Variants in POU2F3 observed in about 807,000 individuals in gnomAD.
The protein encoded by POU2F3 is POU class 2 homeobox 3.
POU2F3 carries 23 observed loss-of-function variants against 59.2 expected under a neutral mutation model. The observed-to-expected ratio is 0.39, with a 90% CI of 0.28 to 0.55. The LOEUF (loss-of-function observed/expected upper bound fraction) is 0.55, where lower values mean the gene tolerates loss of function less well. Ranked by LOEUF, POU2F3 falls within the 20% of genes least tolerant of loss-of-function variation. POU2F3 has a pLI of 0.66. For synonymous variants in POU2F3, 190 were observed against 214.6 expected, an observed-to-expected ratio of 0.89 and a Z score of 1.00; for missense variants, 473 against 544.5, an observed-to-expected ratio of 0.87 and a Z score of 1.31.
rs567821459 is a variant in POU2F3, at chr11:120,252,073, C to T, written c.97+5556C>T. 4.8e-3 allele frequency among the ~76,000 whole-genome samples: 736 copies of T among 151,930 alleles called. 4 individuals are homozygous for T. The highest frequency in any genetic ancestry group is 0.017 in the African/African-American group (714 of 41,444). ...CCTCCCAGAGTGCTGGGATTACAGG[C>T]GTGAGCCACCGCGCCTGGCCTTGGC... On this transcript the variant is annotated intron_variant, in intron 2 of 12. Coordinates refer to ENST00000543440, the MANE Select transcript of POU2F3 (RefSeq NM_014352.4).
chr11:120,286,404 G>A (rs576774189), intron 3 of POU2F3, among the ~76,000 whole-genome samples: 11 of 152,256 alleles, frequency 7.2e-5, no homozygotes, highest in South Asian at 2.1e-4. Flanking sequence ...AGATCCAGGC[G>A]GGCCAGAGCA....
chr11:120,249,808 A>G (rs1361932947), intron 2 of POU2F3: 1 of 152,194 alleles, frequency 6.6e-6, no homozygotes, highest in African/African-American at 2.4e-5. Context: ...TAATTCTTAC[A>G]ATAAGGCTAT....
At chr11:120,246,093 A>C (rs185602331) in intron 1 of POU2F3, among the ~76,000 whole-genome samples, 1 of 152,320 alleles carries the variant, frequency 6.6e-6, no homozygotes, top group East Asian at 1.9e-4. Flanking sequence ...CAGATCCCAA[A>C]GGAAACGAGT....
intron 8 of POU2F3, 120 bp from the exon 9 acceptor site, chr11:120,307,359 T>G: frequency 8.7e-7 from 1 of 1,145,850 alleles, no homozygotes; most frequent in Non-Finnish European, 1.3e-6. Flanking sequence ...GGGGAGGGGA[T>G]TGCTCCTGAA....
At chr11:120,294,514 C>A (rs1174224553) in intron 3 of POU2F3, among the ~76,000 whole-genome samples, 1 of 152,214 alleles carries the variant, frequency 6.6e-6, no homozygotes, top group Non-Finnish European at 1.5e-5. Context: ...CCGGTTCTCA[C>A]ATTAGAAGTC....
intron 1 of POU2F3, 120 bp downstream of exon 1, chr11:120,240,491 T>C (rs1938614713): frequency 1.6e-6 from 2 of 1,214,742 alleles, no homozygotes; most frequent in African/African-American, 3.2e-5. Flanking sequence ...GAGAGGGCGG[T>C]GTGGATAGCG....
At chr11:120,307,840 C>T (rs1941541706) in intron 9 of POU2F3, among the ~76,000 whole-genome samples, 1 of 152,214 alleles carries the variant, frequency 6.6e-6, no homozygotes, top group African/African-American at 2.4e-5. Context: ...CCTTCTTGCC[C>T]TGACATCTAT....
At chr11:120,300,486 A>G (rs191230804) in intron 5 of POU2F3, among the ~76,000 whole-genome samples, 6 of 152,018 alleles carry the variant, frequency 3.9e-5, no homozygotes, top group African/African-American at 1.4e-4. Flanking sequence ...AGGGTTGGCC[A>G]GGCTCGGTGG....
chr11:120,252,397 G>A (rs1386846258), intron 2 of POU2F3, among the ~76,000 whole-genome samples: 3 of 151,298 alleles, frequency 2.0e-5, no homozygotes, highest in Admixed American at 6.6e-5. Flanking sequence ...TAGTAGGGAC[G>A]GGGTTTCACC....
intron 10 of POU2F3, among the ~76,000 whole-genome samples, chr11:120,314,516 T>C (rs1279902255): frequency 1.3e-5 from 2 of 152,232 alleles, no homozygotes; most frequent in African/African-American, 2.4e-5. Flanking sequence ...AGACATTATC[T>C]CATTATGACT....
chr11:120,281,975 C>T (rs1940589368), intron 3 of POU2F3, among the ~76,000 whole-genome samples: 1 of 152,214 alleles, frequency 6.6e-6, no homozygotes, highest in East Asian at 1.9e-4. Context: ...TGTTGTTATT[C>T]CCATTGCAAC....
At chr11:120,269,932 G>T (rs1369653927) in intron 3 of POU2F3, among the ~76,000 whole-genome samples, 1 of 152,082 alleles carries the variant, frequency 6.6e-6, no homozygotes, top group East Asian at 1.9e-4. Context: ...TGGCGGGGTG[G>T]GAGGTAGGAC....
Position 120,279,829 on chromosome 11 carries a change from C to T in POU2F3, c.132+10585C>T, listed in dbSNP as rs574358226. Among the ~76,000 whole-genome samples, 4 of 152,316 alleles carry T rather than the reference C, an allele frequency of 2.6e-5. No individual in the cohort carries two copies. The East Asian group carries it at 7.7e-4, about 29-fold the overall frequency. ...CCTGTGCCTAGTACTTGCTGGTCTA[C>T]CAGACAGCCCCAAACACCACCAAAA... is the stretch of plus-strand genomic sequence containing the variant. On this transcript the variant is annotated intron_variant, in intron 3 of 12. Transcript: ENST00000543440.
In POU2F3 at chr11:120,316,121, G is replaced by C. The variant is rs550570887; in HGVS notation, c.1135+694G>C. On this transcript the variant is annotated intron_variant, in intron 11 of 12. Coordinates refer to ENST00000543440, the MANE Select transcript of POU2F3 (RefSeq NM_014352.4). ...ACTCCTGACCTCAAGTGATCTGCCCGCCTCGGCCTCCCAAAGTGCTGGGAT... is the reference window on the plus strand; with the variant it reads ...ACTCCTGACCTCAAGTGATCTGCCCCCCTCGGCCTCCCAAAGTGCTGGGAT... 5.9e-5 allele frequency among the ~76,000 whole-genome samples: 9 copies of C among 152,158 alleles called. No homozygotes were observed. The East Asian group carries it at 7.7e-4, about 13-fold the overall frequency.
At chr11:120,267,952 T>C (rs1248324999) in intron 2 of POU2F3, among the ~76,000 whole-genome samples, 7 of 151,980 alleles carry the variant, frequency 4.6e-5, no homozygotes, top group Non-Finnish European at 1.0e-4. Flanking sequence ...GCTCCAGTCC[T>C]GGAGAGCTAT....
chr11:120,306,552 A>G (rs1256229038), intron 8 of POU2F3, among the ~76,000 whole-genome samples: 1 of 152,186 alleles, frequency 6.6e-6, no homozygotes, highest in Non-Finnish European at 1.5e-5. Context: ...CAGTTGAAAC[A>G]GCCAAGAATC....
At chr11:120,302,998 A>C (rs1039298209) in intron 6 of POU2F3, 1 of 152,414 alleles carries the variant, frequency 6.6e-6, no homozygotes, top group Non-Finnish European at 1.5e-5. Context: ...CATGAGCTGT[A>C]TCTTAGCTGC....
At chr11:120,275,226 G>A (rs1940270522) in intron 3 of POU2F3, among the ~76,000 whole-genome samples, 1 of 152,188 alleles carries the variant, frequency 6.6e-6, no homozygotes, top group Non-Finnish European at 1.5e-5. Flanking sequence ...AGTGAGTGTG[G>A]CCTGGGAAAG....
chr11:120,239,084 G>A (rs115108481), upstream of POU2F3, among the ~76,000 whole-genome samples: 1,903 of 152,258 alleles, frequency 0.012, 41 homozygotes, highest in African/African-American at 0.043. Flanking sequence ...CAGGGGGAAA[G>A]GACACTGTAA....
Sources: allele counts gnomAD v4.1 joint callset (sites outside exome capture counted in the v4.1 genomes callset), GRCh38; gene constraint gnomAD v4.1.1; transcripts MANE v1.5; gene names NCBI Gene and HGNC (gene_info 2026-07-23, HGNC 2026-07-21).